Variants in C14orf39 observed in about 807,000 individuals in gnomAD.
C14orf39 encodes protein SIX6OS1.
In C14orf39, 66 loss-of-function variants were observed where a neutral mutation model predicts 85.6. The observed-to-expected ratio is 0.77, with a 90% CI of 0.63 to 0.95. The LOEUF is 0.95. C14orf39 is among the 40% of genes least tolerant of loss of function. The probability of loss-of-function intolerance (pLI) is 0.00; values close to 1 mark genes in which losing one functional copy is unlikely to be tolerated. For synonymous variants in C14orf39, 242 were observed against 214.0 expected, an observed-to-expected ratio of 1.13 and a Z score of -1.14; for missense variants, 735 against 663.9, an observed-to-expected ratio of 1.11 and a Z score of -1.18.
chr14:60,486,138 G>C (rs1272707734), upstream of C14orf39: 2 of 152,122 alleles, frequency 1.3e-5, no homozygotes, highest in African/African-American at 4.8e-5. Context: ...GCCGCAGATC[G>C]CGCTGAAGAG....
At chr14:60,485,362 G>C (rs1221082082) in intron 1 of C14orf39, among the ~76,000 whole-genome samples, 2 of 152,128 alleles carry the variant, frequency 1.3e-5, no homozygotes, top group Non-Finnish European at 1.5e-5. Context: ...CTTATGCGTG[G>C]GATTGCAACA....
intron 4 of C14orf39, among the ~76,000 whole-genome samples, chr14:60,479,288 A>G (rs890275245): frequency 2.0e-5 from 3 of 152,198 alleles, no homozygotes; most frequent in African/African-American, 7.2e-5. Flanking sequence ...CTTAGAAAAT[A>G]TTCTCCAAAA....
At chr14:60,462,890 A>G (rs545385870) in intron 11 of C14orf39, among the ~76,000 whole-genome samples, 1 of 152,132 alleles carries the variant, frequency 6.6e-6, no homozygotes, top group Non-Finnish European at 1.5e-5. Flanking sequence ...CAGGTAAGCC[A>G]AAAGATTGGA....
Position 60,471,710 on chromosome 14 carries a change from T to C in C14orf39, c.353A>G (p.Tyr118Cys). 6.4e-7 allele frequency: 1 copy of C among 1,554,446 alleles called. No individual in the cohort carries two copies. Among genetic ancestry groups the C allele is most frequent in the Non-Finnish European group, 8.8e-7 (1 of 1,137,378 alleles). The change falls in exon 6 of 18, where the codon TAT (tyrosine) becomes TGT (cysteine). Residue 118 changes from tyrosine (Y) to cysteine (C), a missense_variant. Transcript: ENST00000321731. ...KEMYHDYICQ[Y>C]KEVLKQYQLK... Reference sequence around the variant, plus strand: ...TTGGTACTGCTTCAAAACTTCTTTATACTGACATATATAATCATGATACAT... The same window carrying C: ...TTGGTACTGCTTCAAAACTTCTTTACACTGACATATATAATCATGATACAT...
chr14:60,511,333 G>C, intron 1 of C14orf39: 414 of 1,451,076 alleles, frequency 2.9e-4, no homozygotes, highest in Non-Finnish European at 3.6e-4. Context: ...GAAGATGAGA[G>C]ACCTGCAAAT....
chr14:60,492,931 T>A (rs1893012870), intron 2 of C14orf39, among the ~76,000 whole-genome samples: 1 of 152,230 alleles, frequency 6.6e-6, no homozygotes, highest in South Asian at 2.1e-4. Flanking sequence ...AAATTTTTTT[T>A]AAATTAGTAC....
chr14:60,438,654 T>C (rs1000558118), intron 17 of C14orf39, among the ~76,000 whole-genome samples: 4 of 151,878 alleles, frequency 2.6e-5, no homozygotes, highest in Non-Finnish European at 1.5e-5. Context: ...GGTAGAATGG[T>C]AAAAAGTATA....
At chr14:60,455,549 C>A (rs1891233141) in intron 15 of C14orf39, among the ~76,000 whole-genome samples, 1 of 151,946 alleles carries the variant, frequency 6.6e-6, no homozygotes, top group African/African-American at 2.4e-5. Context: ...ATTTTGAATG[C>A]CAGTTACAAG....
intron 2 of C14orf39, among the ~76,000 whole-genome samples, chr14:60,498,468 C>T (rs1230510393): frequency 6.6e-6 from 1 of 152,262 alleles, no homozygotes; most frequent in Non-Finnish European, 1.5e-5. Context: ...CTGCTCCAGA[C>T]AATTTTCCAA....
chr14:60,463,409 T>C (rs1891627374), intron 11 of C14orf39, among the ~76,000 whole-genome samples: 1 of 152,158 alleles, frequency 6.6e-6, no homozygotes, highest in Non-Finnish European at 1.5e-5. Flanking sequence ...TTTTTATTTT[T>C]ATGTAGTCCA....
intron 1 of C14orf39, among the ~76,000 whole-genome samples, chr14:60,508,315 C>A (rs919775117): frequency 6.6e-6 from 1 of 152,116 alleles, no homozygotes; most frequent in African/African-American, 2.4e-5. Flanking sequence ...CCTGACCTAC[C>A]AATGACTTCT....
At chr14:60,490,081 T>C (rs1370364199), upstream of C14orf39, among the ~76,000 whole-genome samples, 1 of 152,128 alleles carries the variant, frequency 6.6e-6, no homozygotes, top group Non-Finnish European at 1.5e-5. Flanking sequence ...TTCTCTATCT[T>C]CTCTTTCAGC....
intron 7 of C14orf39, 79 bp from the exon 8 acceptor site, chr14:60,469,732 T>C (rs1891980886): frequency 4.6e-6 from 3 of 647,930 alleles, no homozygotes; most frequent in Non-Finnish European, 6.8e-6. Context: ...ATGATTAATA[T>C]TATGTGACAT....
intron 1 of C14orf39, chr14:60,512,877 T>C (rs1399436688): frequency 6.6e-6 from 1 of 152,248 alleles, no homozygotes; most frequent in African/African-American, 2.4e-5. Context: ...CCCTCTTTAC[T>C]GTCCCCATCC....
At chr14:60,445,936 A>G (rs981115533) in intron 16 of C14orf39, among the ~76,000 whole-genome samples, 1 of 152,214 alleles carries the variant, frequency 6.6e-6, no homozygotes, top group African/African-American at 2.4e-5. Context: ...CTACATGGAA[A>G]CTGAACAACA....
At chr14:60,465,937 A>C in intron 11 of C14orf39, 42 bp downstream of exon 11, 1 of 1,012,176 alleles carries the variant, frequency 9.9e-7, no homozygotes, top group East Asian at 2.6e-5. Context: ...CATTTAATGC[A>C]AGCAGGTATT....
At chr14:60,510,148 C>G (rs1893268803) in intron 1 of C14orf39, among the ~76,000 whole-genome samples, 1 of 152,206 alleles carries the variant, frequency 6.6e-6, no homozygotes, top group Non-Finnish European at 1.5e-5. Context: ...CTTGCCGGCT[C>G]TGCTTCCCCA....
chr14:60,513,471 T>G (rs140139724), intron 1 of C14orf39, among the ~76,000 whole-genome samples: 1 of 152,310 alleles, frequency 6.6e-6, no homozygotes, highest in African/African-American at 2.4e-5. Context: ...GCACTCTAAG[T>G]GCCTCCTTTG....
At chr14:60,473,325 T>C (rs1892196496) in intron 5 of C14orf39, among the ~76,000 whole-genome samples, 1 of 152,238 alleles carries the variant, frequency 6.6e-6, no homozygotes, top group Admixed American at 6.5e-5. Flanking sequence ...GATGAGTAGA[T>C]TGCAAAAATT....
Sources: gnomAD v4.1 joint callset for allele counts (sites outside exome capture counted in the v4.1 genomes callset) on GRCh38, gnomAD v4.1.1 for gene constraint, MANE v1.5 for transcripts, NCBI Gene and HGNC (gene_info 2026-07-23, HGNC 2026-07-21) for gene names.